Variants in DLG1 observed in about 807,000 individuals in gnomAD.
The protein encoded by DLG1 is disks large homolog 1.
In DLG1, 42 loss-of-function variants were observed where a neutral mutation model predicts 123.4. The observed-to-expected ratio is 0.34, with a 90% CI of 0.27 to 0.44. DLG1 has a LOEUF of 0.44. Among genes scored for constraint, DLG1 ranks in the 20% least tolerant of loss-of-function variants. The pLI is 1.00. For missense variants in DLG1, 942 were observed against 1,082.6 expected (o/e 0.87, Z 1.82); for synonymous variants, 317 against 356.2 (o/e 0.89, Z 1.24).
intron 6 of DLG1, among the ~76,000 whole-genome samples, chr3:197,143,244 G>A (rs1368058346): frequency 7.0e-6 from 1 of 143,664 alleles, no homozygotes; most frequent in Non-Finnish European, 1.5e-5. Context: ...GTTTTAAACA[G>A]CTGGATCTTT....
At chr3:197,061,285 T>C (rs995545952) in intron 22 of DLG1, among the ~76,000 whole-genome samples, 11 of 152,256 alleles carry the variant, frequency 7.2e-5, no homozygotes, top group Non-Finnish European at 1.3e-4. Flanking sequence ...TTTTACATGA[T>C]CGCTTAAACA....
At chr3:197,102,322 A>C (rs1456441372) in intron 14 of DLG1, among the ~76,000 whole-genome samples, 1 of 152,212 alleles carries the variant, frequency 6.6e-6, no homozygotes, top group African/African-American at 2.4e-5. Flanking sequence ...ATTCTACCAA[A>C]AGCTTACCTT....
At chr3:197,257,677 G>A (rs1401742153) in intron 4 of DLG1, among the ~76,000 whole-genome samples, 2 of 152,026 alleles carry the variant, frequency 1.3e-5, no homozygotes, top group Admixed American at 1.3e-4. Context: ...AAGAAATTCT[G>A]GTACTAAAGT....
chr3:197,200,585 T>C (rs1182407114), intron 4 of DLG1, among the ~76,000 whole-genome samples: 2 of 152,090 alleles, frequency 1.3e-5, no homozygotes, highest in Non-Finnish European at 2.9e-5. Flanking sequence ...AAGAAAATAC[T>C]AGCAAATCGA....
chr3:197,256,319 A>C (rs1480730652), intron 4 of DLG1, among the ~76,000 whole-genome samples: 1 of 152,282 alleles, frequency 6.6e-6, no homozygotes. Context: ...AAGGTAAGTA[A>C]ATGAGTGAGT....
At chr3:197,297,370 C>G (rs1258173609) in intron 1 of DLG1, 135 bp from the exon 2 acceptor site, 1 of 1,461,328 alleles carries the variant, frequency 6.8e-7, no homozygotes, top group African/African-American at 1.4e-5. Flanking sequence ...AAGAAAGAGT[C>G]TCAAAACGCA....
At chr3:197,192,866 C>A (rs1256587741) in intron 5 of DLG1, among the ~76,000 whole-genome samples, 2 of 151,636 alleles carry the variant, frequency 1.3e-5, no homozygotes, top group African/African-American at 4.9e-5. Context: ...AACAAAGAGT[C>A]TGAAATAAGT....
chr3:197,221,109 T>C (rs931066012), intron 4 of DLG1, among the ~76,000 whole-genome samples: 1 of 152,200 alleles, frequency 6.6e-6, no homozygotes, highest in Non-Finnish European at 1.5e-5. Context: ...ACATACCACA[T>C]ACCATACCCT....
At chr3:197,207,052 A>C (rs1372692704) in intron 4 of DLG1, among the ~76,000 whole-genome samples, 1 of 152,152 alleles carries the variant, frequency 6.6e-6, no homozygotes, top group Non-Finnish European at 1.5e-5. Flanking sequence ...TCCATGTATG[A>C]TGTATGGCTG....
chr3:197,059,695 T>C (rs1462422896), intron 23 of DLG1, among the ~76,000 whole-genome samples, 194 bp downstream of exon 23: 1 of 150,402 alleles, frequency 6.6e-6, no homozygotes, highest in Non-Finnish European at 1.5e-5. Context: ...TTTAGTAATA[T>C]TAATGATGAT....
At chr3:197,064,187 C>A (rs1737861704) in intron 22 of DLG1, among the ~76,000 whole-genome samples, 1 of 147,856 alleles carries the variant, frequency 6.8e-6, no homozygotes, top group African/African-American at 2.5e-5. Context: ...TCCACTGTGC[C>A]TGGCCTTATT....
At chr3:197,104,281 CTA>C (rs1765122918) in intron 14 of DLG1, among the ~76,000 whole-genome samples, 2 of 152,168 alleles carry the variant, frequency 1.3e-5, no homozygotes, top group South Asian at 4.1e-4. Context: ...ACATTAAAAG[CTA>C]TGTCTTCAGT....
intron 12 of DLG1, 75 bp downstream of exon 12, chr3:197,119,335 C>A: frequency 1.5e-6 from 2 of 1,296,046 alleles, no homozygotes; most frequent in Non-Finnish European, 1.0e-6. Flanking sequence ...AAAATTGTGG[C>A]TATCTTACAT....
At chr3:197,281,403 ACCT>A (rs1239137015) in intron 4 of DLG1, among the ~76,000 whole-genome samples, 2 of 151,946 alleles carry the variant, frequency 1.3e-5, no homozygotes, top group Non-Finnish European at 2.9e-5. Context: ...TGGCCTAATC[ACCT>A]CCTAAAGGTC....
At chr3:197,057,564 C>A (rs546689858) in intron 23 of DLG1, among the ~76,000 whole-genome samples, 5 of 151,642 alleles carry the variant, frequency 3.3e-5, no homozygotes, top group Admixed American at 1.3e-4. Flanking sequence ...CCAATCTGCA[C>A]CCCTAACACT....
intron 4 of DLG1, among the ~76,000 whole-genome samples, chr3:197,199,568 T>G (rs1724513981): frequency 6.6e-6 from 1 of 152,140 alleles, no homozygotes; most frequent in South Asian, 2.1e-4. Context: ...TGGTCCCAAG[T>G]GCTTTGGATA....
intron 23 of DLG1, among the ~76,000 whole-genome samples, chr3:197,053,477 T>C (rs1729371812): frequency 6.6e-6 from 1 of 152,040 alleles, no homozygotes; most frequent in Non-Finnish European, 1.5e-5. Context: ...GAGTTTCTGA[T>C]AAAATATCTG....
At chr3:197,130,764 T>A in intron 10 of DLG1, 93 bp from the exon 11 acceptor site, 1 of 1,047,330 alleles carries the variant, frequency 9.5e-7, no homozygotes, top group Non-Finnish European at 1.4e-6. Flanking sequence ...AATAAGAGAG[T>A]GGTTTAAGGA....
chr3:197,187,807 C>T (rs889751911), intron 5 of DLG1, among the ~76,000 whole-genome samples: 2 of 152,092 alleles, frequency 1.3e-5, no homozygotes, highest in Non-Finnish European at 2.9e-5. Context: ...CTTACATAAC[C>T]CCAAAATTTA....
Sources: allele counts gnomAD v4.1 joint callset (sites outside exome capture counted in the v4.1 genomes callset), GRCh38; gene constraint gnomAD v4.1.1; transcripts MANE v1.5; gene names NCBI Gene and HGNC (gene_info 2026-07-23, HGNC 2026-07-21).